The following SCP2 variants were observed in gnomAD, a reference collection of about 807,000 sequenced individuals.
The protein encoded by SCP2 is sterol carrier protein 2.
In SCP2, 48 loss-of-function variants were observed where a neutral mutation model predicts 71.4. The ratio of observed to expected loss-of-function variants is 0.67; its 90% CI spans 0.53 to 0.86. The LOEUF (loss-of-function observed/expected upper bound fraction) is 0.86. SCP2 is among the 40% of genes least tolerant of loss of function. The pLI is 0.00. For missense variants in SCP2, 560 were observed against 655.6 expected, an observed-to-expected ratio of 0.85 and a Z score of 1.59; for synonymous variants, 220 against 218.1, an observed-to-expected ratio of 1.01 and a Z score of -0.08.
intron 11 of SCP2, among the ~76,000 whole-genome samples, chr1:53,005,039 CTG>C (rs1660544896): frequency 6.6e-6 from 1 of 152,228 alleles, no homozygotes; most frequent in African/African-American, 2.4e-5. Context: ...GCACAGCAGT[CTG>C]AGATTAAACT....
chr1:53,021,641 CTTTCTTTTTT>C (rs1557614549), intron 12 of SCP2, among the ~76,000 whole-genome samples: 14,776 of 140,066 alleles, frequency 0.11, 1,451 homozygotes, highest in African/African-American at 0.23. Flanking sequence ...TTTTCTTTTT[CTTTCTTTTTT>C]TTTTTTTTTT....
chr1:53,014,931 G>A lies in SCP2; in HGVS notation c.1123G>A (p.Glu375Lys). ...CAELCWQLRGEAGKRQVPGAK... is the reference protein window; with the variant it reads ...CAELCWQLRGKAGKRQVPGAK... ...AGAACTCTGCTGGCAGCTGAGAGGG[G>A]AAGCCGGAAAGAGGCAAGTTCCTGG... The change falls in exon 12 of 16, where the codon GAA becomes AAA. Residue 375 changes from glutamate to lysine, a missense_variant. Physicochemically the swap from Glu to Lys is moderately conservative, Grantham distance 56. Around this residue, in one of 3 missense-constraint regions of SCP2, gnomAD observed 513 missense variants for 573.1 expected, o/e 0.90. Coordinates refer to ENST00000371514, the MANE Select transcript of SCP2 (RefSeq NM_002979.5). 1.2e-6 allele frequency: 2 copies of A among 1,613,820 alleles called. No homozygotes were observed. The highest frequency in any genetic ancestry group is 1.7e-6 in the Non-Finnish European group (2 of 1,179,962).
intron 1 of SCP2, 114 bp from the exon 2 acceptor site, chr1:52,941,682 C>T: frequency 9.7e-6 from 6 of 620,398 alleles, no homozygotes; most frequent in Non-Finnish European, 1.8e-5. Flanking sequence ...TTGCAGTGAG[C>T]CGAGATCATG....
Position 53,013,106 on chromosome 1 carries a change from CTTTTTTT to C in SCP2, c.1082-1767_1082-1761del, listed in dbSNP as rs754111443. On this transcript the variant is annotated intron_variant, in intron 11 of 15. Coordinates refer to ENST00000371514, the MANE Select transcript of SCP2 (RefSeq NM_002979.5). ...AAGTTATTACCAGTTGTGGAGCTAC[CTTTTTTT>C]TTTTTTTTTTTTTTTTGAGACAGGG... Among the ~76,000 whole-genome samples the C allele has an allele frequency of 1.4e-3, 146 of 104,642 alleles. 1 individual carries two copies. The highest frequency in any genetic ancestry group is 5.1e-3 in the African/African-American group (129 of 25,488). The allele number at this position is 104,642 out of a possible 152,430, so 68.6% of individuals were successfully genotyped here. A position where few individuals can be genotyped will look rare whatever the true frequency, so the allele number is the denominator to read the frequency against.
intron 6 of SCP2, among the ~76,000 whole-genome samples, chr1:52,967,054 G>A (rs900477334): frequency 1.3e-5 from 2 of 151,970 alleles, no homozygotes; most frequent in Admixed American, 6.6e-5. Context: ...GTCAGGCATG[G>A]TGGCAGGCGC....
intron 11 of SCP2, among the ~76,000 whole-genome samples, chr1:53,004,682 C>A (rs1036635171): frequency 2.6e-5 from 4 of 152,220 alleles, no homozygotes; most frequent in Non-Finnish European, 5.9e-5. Flanking sequence ...CAAATAGGAG[C>A]AGCTCCAGTC....
At chr1:53,040,678 G>A (rs1313117534) in intron 14 of SCP2, among the ~76,000 whole-genome samples, 3 of 151,838 alleles carry the variant, frequency 2.0e-5, no homozygotes, top group Non-Finnish European at 2.9e-5. Flanking sequence ...CCAAGATCAC[G>A]CCACTGCACT....
chr1:52,972,118 T>C (rs940218468), intron 6 of SCP2, among the ~76,000 whole-genome samples: 3 of 152,252 alleles, frequency 2.0e-5, no homozygotes, highest in African/African-American at 7.2e-5. Flanking sequence ...ATAATTTAAA[T>C]TGTTATTTAA....
rs748444163 is a variant in SCP2, at chr1:53,038,946, T to C, written c.1368T>C (p.Gly456=). Residue 456 remains glycine (G), a synonymous_variant, in exon 14 of 16, where the codon GGT becomes GGC. Transcript: ENST00000371514. ...EEGEQFVKKI[G]GIFAFKVKDG... ...GGGAACAGTTTGTGAAGAAAATCGG[T>C]GGTATTTTTGCCTTCAAGGTGAAAG... The C allele has an allele frequency of 1.2e-6, 2 of 1,613,894 alleles. No homozygotes were observed. Among genetic ancestry groups the C allele is most frequent in the South Asian group, 1.1e-5 (1 of 91,058 alleles).
At chr1:52,986,792 A>G (rs1303919895) in intron 10 of SCP2, among the ~76,000 whole-genome samples, 1 of 151,932 alleles carries the variant, frequency 6.6e-6, no homozygotes, top group Non-Finnish European at 1.5e-5. Context: ...GACCTCCCAC[A>G]GATACCAAAA....
chr1:53,002,068 C>T (rs1011341426), intron 11 of SCP2, among the ~76,000 whole-genome samples: 1 of 151,844 alleles, frequency 6.6e-6, no homozygotes, highest in Non-Finnish European at 1.5e-5. Context: ...CCTGTAGTCC[C>T]AGCTACTCAG....
chr1:53,013,194 C>T (rs562871593), intron 11 of SCP2, among the ~76,000 whole-genome samples: 7 of 147,332 alleles, frequency 4.8e-5, no homozygotes, highest in Non-Finnish European at 8.9e-5. Flanking sequence ...TAACTCACTG[C>T]AGCCTTGACT....
chr1:52,995,689 G>A (rs1184135864), intron 11 of SCP2: 94 of 736,654 alleles, frequency 1.3e-4, no homozygotes, highest in Admixed American at 1.2e-4. Context: ...TGCTCAACGT[G>A]CAGAACCAGA....
At chr1:52,995,577 C>T in intron 11 of SCP2, 1 of 486,326 alleles carries the variant, frequency 2.1e-6, no homozygotes, top group Non-Finnish European at 4.0e-6. Flanking sequence ...AGTGCCCAAA[C>T]TCATCAGGTA....
chr1:52,955,391 GT>G (rs1655703754), intron 5 of SCP2, among the ~76,000 whole-genome samples: 1 of 152,298 alleles, frequency 6.6e-6, no homozygotes, highest in African/African-American at 2.4e-5. Context: ...AAGATCAGAA[GT>G]TTAATACCCA....
chr1:53,003,670 C>T (rs1053459247), intron 11 of SCP2, among the ~76,000 whole-genome samples: 3 of 152,052 alleles, frequency 2.0e-5, no homozygotes, highest in Admixed American at 2.0e-4. Context: ...CAGGTGCACA[C>T]CATCATGCCC....
chr1:53,021,389 T>C (rs1192277911), intron 12 of SCP2, among the ~76,000 whole-genome samples: 1 of 148,894 alleles, frequency 6.7e-6, no homozygotes, highest in Admixed American at 6.8e-5. Context: ...CAATCTTGGC[T>C]CACTGCAGCC....
chr1:52,937,890 C>G (rs2150105321), intron 1 of SCP2, among the ~76,000 whole-genome samples: 1 of 152,282 alleles, frequency 6.6e-6, no homozygotes, highest in South Asian at 2.1e-4. Flanking sequence ...GGCAGAGCAG[C>G]CCAGAGTAGC....
At position 52,995,640 on chromosome 1, in the gene SCP2, C is replaced by T. The variant is rs770669807; in HGVS notation, c.1081+7504C>T. Reference sequence around the variant, plus strand: ...ACCCCTGCCACAGCTTATATCTCACCGTGGCTGCTGTCTTTGTGGATGGAT... The same window carrying T: ...ACCCCTGCCACAGCTTATATCTCACTGTGGCTGCTGTCTTTGTGGATGGAT... On this transcript the variant is annotated intron_variant, in intron 11 of 15. Transcript: ENST00000371514. The T allele has an allele frequency of 2.3e-5, 15 of 640,036 alleles. No individual in the cohort carries two copies. The East Asian group carries it at 2.6e-4, about 11-fold the overall frequency. 39.6% of individuals were successfully genotyped at this position (640,036 alleles called of 1,614,324 possible). A position where few individuals can be genotyped will look rare whatever the true frequency, so the allele number is the denominator to read the frequency against.
Sources: allele counts gnomAD v4.1 joint callset (sites outside exome capture counted in the v4.1 genomes callset), GRCh38; gene constraint gnomAD v4.1.1; regional missense constraint gnomAD v4.1.1; transcripts MANE v1.5; gene names NCBI Gene and HGNC (gene_info 2026-07-23, HGNC 2026-07-21).